RALGAPA2: variants seen among roughly 807,000 people sequenced by gnomAD.
The protein encoded by RALGAPA2 is ral GTPase-activating protein subunit alpha-2.
RALGAPA2 carries 139 observed loss-of-function variants against 230.4 expected under a neutral mutation model. That is an observed-to-expected ratio of 0.60 (90% CI 0.53 to 0.69). The LOEUF (loss-of-function observed/expected upper bound fraction) is 0.69. RALGAPA2 is among the 30% of genes least tolerant of loss of function. RALGAPA2 has a pLI of 0.00. For synonymous variants in RALGAPA2, 847 were observed against 837.8 expected, an observed-to-expected ratio of 1.01 and a Z score of -0.19; for missense variants, 2,163 against 2,276.0, an observed-to-expected ratio of 0.95 and a Z score of 1.01.
intron 16 of RALGAPA2, among the ~76,000 whole-genome samples, chr20:20,597,205 T>A (rs1312190052): frequency 1.3e-5 from 2 of 152,092 alleles, no homozygotes; most frequent in East Asian, 3.9e-4. Context: ...TGAAAAAAAT[T>A]CTTTTGGGGT....
At chr20:20,404,348 T>G (rs1207270456) in intron 38 of RALGAPA2, among the ~76,000 whole-genome samples, 7 of 152,208 alleles carry the variant, frequency 4.6e-5, no homozygotes, top group African/African-American at 1.7e-4. Flanking sequence ...ATCCTATATC[T>G]TCCTGGAAAA....
intron 16 of RALGAPA2, among the ~76,000 whole-genome samples, chr20:20,592,873 T>C (rs993975272): frequency 6.6e-6 from 1 of 152,240 alleles, no homozygotes; most frequent in Admixed American, 6.5e-5. Flanking sequence ...TGTGCTGATA[T>C]GGTTACAAGA....
At chr20:20,688,439 T>C (rs1235795117) in intron 1 of RALGAPA2, among the ~76,000 whole-genome samples, 3 of 152,192 alleles carry the variant, frequency 2.0e-5, no homozygotes, top group African/African-American at 7.2e-5. Context: ...AGTGCTATCA[T>C]GGCGTGAAAC....
At chr20:20,494,443 A>G (rs377004921) in intron 36 of RALGAPA2, among the ~76,000 whole-genome samples, 4 of 152,268 alleles carry the variant, frequency 2.6e-5, no homozygotes. Flanking sequence ...TACATAAAGC[A>G]TGGCTAAAAT....
Position 20,522,262 on chromosome 20 carries a change from A to C in RALGAPA2, c.3901-1162T>G, listed in dbSNP as rs897544313. Among the ~76,000 whole-genome samples the C allele has an allele frequency of 2.3e-4, 35 of 152,194 alleles. 1 individual carries two copies. The highest frequency in any genetic ancestry group is 1.9e-3 in the Admixed American group (29 of 15,276). Reference sequence around the variant, plus strand: ...ATACGTATATGTACAAAAAAAAAAAAAAAACCTTGAATATTCACATTTTAT... The same window carrying C: ...ATACGTATATGTACAAAAAAAAAAACAAAACCTTGAATATTCACATTTTAT... On this transcript the variant is annotated intron_variant, in intron 30 of 39. Transcript: ENST00000202677.
In RALGAPA2 at chr20:20,693,962, G is replaced by C. The variant is rs140885826; in HGVS notation, c.107-13161C>G. The stretch of plus-strand genomic sequence containing the variant: ...CTACAAAAAATACAAAGGTTAGCGG[G>C]ACATGGTGGCGTGTGCCTGTAGTCC... On this transcript the variant is annotated intron_variant, in intron 1 of 39. Transcript: ENST00000202677. 3.6e-3 allele frequency among the ~76,000 whole-genome samples: 541 copies of C among 152,256 alleles called. 2 individuals are homozygous for C. The highest frequency in any genetic ancestry group is 6.8e-3 in the Middle Eastern group (2 of 294).
rs1245124055 is a variant in RALGAPA2 at position 20,629,426 on chromosome 20, C to A, written c.1170G>T (p.Met390Ile). 2.5e-6 allele frequency: 4 copies of A among 1,613,592 alleles called. No homozygotes were observed. Among genetic ancestry groups the A allele is most frequent in the Non-Finnish European group, 1.7e-6 (2 of 1,179,864 alleles). The change falls in exon 10 of 40, where the codon ATG (methionine) becomes ATT (isoleucine). Residue 390 changes from methionine (M) to isoleucine (I), a missense_variant. Met to Ile is a conservative substitution (Grantham distance 10). Transcript: ENST00000202677. Reference protein sequence around the residue: ...IEEEHRMVYEMVQRILLSTRG... With the variant: ...IEEEHRMVYEIVQRILLSTRG... Reference sequence around the variant, plus strand: ...GTGTTGACAAGAGAATCCGCTGTACCATTTCATACACCATTCGGTGCTCTT... The same window carrying A: ...GTGTTGACAAGAGAATCCGCTGTACAATTTCATACACCATTCGGTGCTCTT...
intron 20 of RALGAPA2, among the ~76,000 whole-genome samples, chr20:20,582,574 G>A (rs1015935687): frequency 1.3e-5 from 2 of 151,988 alleles, no homozygotes; most frequent in East Asian, 3.9e-4. Flanking sequence ...AACAAATTTG[G>A]ACTAGGGTCC....
chr20:20,545,258 T>C (rs1490233166), intron 24 of RALGAPA2, among the ~76,000 whole-genome samples: 3 of 152,066 alleles, frequency 2.0e-5, no homozygotes, highest in Non-Finnish European at 4.4e-5. Context: ...GATGGGGTCT[T>C]GTTATGCTGC....
At chr20:20,671,011 G>T in intron 3 of RALGAPA2, among the ~76,000 whole-genome samples, 1 of 151,880 alleles carries the variant, frequency 6.6e-6, no homozygotes, top group East Asian at 1.9e-4. Context: ...ACTCTAAGTG[G>T]TGTACATATC....
At chr20:20,636,585 C>T (rs1445175996) in intron 8 of RALGAPA2, among the ~76,000 whole-genome samples, 4 of 151,260 alleles carry the variant, frequency 2.6e-5, no homozygotes, top group Admixed American at 6.6e-5. Flanking sequence ...TGTGTGTGTA[C>T]GCATACATAG....
intron 1 of RALGAPA2, among the ~76,000 whole-genome samples, chr20:20,697,758 C>T (rs2069175794): frequency 6.6e-6 from 1 of 152,134 alleles, no homozygotes; most frequent in Non-Finnish European, 1.5e-5. Context: ...ACACCTGTAC[C>T]TGGCAGAGTT....
rs1427758369 is a variant in RALGAPA2, at chr20:20,398,633, C to T, written c.5618-1899G>A. Among the ~76,000 whole-genome samples, 3 of 151,788 alleles carry T rather than the reference C, an allele frequency of 2.0e-5. No homozygotes were observed. In the East Asian group the frequency reaches 5.8e-4, roughly 29 times the overall value. On this transcript the variant is annotated intron_variant, in intron 38 of 39. Coordinates refer to ENST00000202677, the MANE Select transcript of RALGAPA2 (RefSeq NM_020343.4). This position sits in a 1 kb window ranked among gnomAD's most constrained non-coding sequence, Gnocchi z 4.5. The stretch of plus-strand genomic sequence containing the variant: ...CGCACAGGGCACTGACCAACCTGGG[C>T]AGTGTGGAGGGCACCTGGAGGGCAA...
In RALGAPA2 at chr20:20,521,006, G is replaced by T. The variant is rs1417025529; in HGVS notation, c.3995C>A (p.Pro1332His). Residue 1332 changes from proline to histidine, a missense_variant, in exon 31 of 40, where the codon CCC becomes CAC. Pro to His is a moderately conservative substitution (Grantham distance 77). Transcript: ENST00000202677. Reference sequence around the variant, plus strand: ...CTTCACATTTGCCAGTGGCAGGAAGGGGTCATAATCCGTGGATGACAAGTC... The same window carrying T: ...CTTCACATTTGCCAGTGGCAGGAAGTGGTCATAATCCGTGGATGACAAGTC... ...LADLSSTDYD[P>H]FLPLANVKSS... 1 of 1,613,920 alleles carries T rather than the reference G, an allele frequency of 6.2e-7. No homozygotes were observed. The highest frequency in any genetic ancestry group is 1.7e-5 in the Admixed American group (1 of 60,020).
rs1345982696 is a variant in RALGAPA2 at position 20,619,307 on chromosome 20, A to G, written c.1509T>C (p.Asn503=). Residue 503 remains asparagine, a synonymous_variant, in exon 12 of 40, where the codon AAT becomes AAC. Transcript: ENST00000202677. The stretch of plus-strand genomic sequence containing the variant: ...ACAAAGCCTGGACGCCGGCTTTCAC[A>G]TTTGTATTTTCCTCCTCTGTCACAC... ...RGCVTEEENT[N]VKAGVQALLQ... The G allele has an allele frequency of 6.2e-7, 1 of 1,609,992 alleles. No homozygotes were observed.
intron 38 of RALGAPA2, among the ~76,000 whole-genome samples, chr20:20,406,842 G>A (rs566077891): frequency 1.3e-5 from 2 of 152,332 alleles, no homozygotes; most frequent in African/African-American, 2.4e-5. Flanking sequence ...AGCCTGGGAC[G>A]GGAAGGATGC....
intron 1 of RALGAPA2, among the ~76,000 whole-genome samples, chr20:20,693,965 A>G (rs1002014864): frequency 6.6e-6 from 1 of 152,110 alleles, no homozygotes; most frequent in African/African-American, 2.4e-5. Flanking sequence ...TTAGCGGGAC[A>G]TGGTGGCGTG....
Position 20,412,128 on chromosome 20 carries a change from T to TA in RALGAPA2, c.5515dup (p.Tyr1839LeufsTer55), listed in dbSNP as rs2060074847. 1 of 1,613,848 alleles carries TA rather than the reference T, an allele frequency of 6.2e-7. No individual in the cohort carries two copies. Among genetic ancestry groups the TA allele is most frequent in the Admixed American group, 1.7e-5 (1 of 60,006 alleles). On this transcript the variant is annotated frameshift_variant, in exon 38 of 40. Coordinates refer to ENST00000202677, the MANE Select transcript of RALGAPA2 (RefSeq NM_020343.4). LOFTEE classifies it high-confidence loss of function. ...GTGGTTCTGAATTATTGCTTCGAGATACAGAGCTCGCTCTTCATAGCTGCG... is the reference window on the plus strand; with the variant it reads ...GTGGTTCTGAATTATTGCTTCGAGATAACAGAGCTCGCTCTTCATAGCTGCG...
At chr20:20,579,611 C>T (rs576530780) in intron 20 of RALGAPA2, among the ~76,000 whole-genome samples, 106 of 152,248 alleles carry the variant, frequency 7.0e-4, no homozygotes, top group Non-Finnish European at 8.5e-4. Context: ...GAATTACTGA[C>T]ACTTTTTTTA....
Sources: allele counts gnomAD v4.1 joint callset (sites outside exome capture counted in the v4.1 genomes callset), GRCh38; gene constraint gnomAD v4.1.1; non-coding constraint Gnocchi (gnomAD v3.1); transcripts MANE v1.5; gene names NCBI Gene and HGNC (gene_info 2026-07-23, HGNC 2026-07-21).